PEX7: variants seen among roughly 807,000 people sequenced by gnomAD.
PEX7 encodes PTS2 receptor.
Under a neutral mutation model 47.5 loss-of-function variants are expected in PEX7, and 34 were observed. The ratio of observed to expected loss-of-function variants is 0.72; its 90% CI spans 0.54 to 0.95. The LOEUF is 0.95. PEX7 is among the 40% of genes least tolerant of loss of function. The pLI is 0.00. For missense variants in PEX7, 394 were observed against 400.3 expected, an observed-to-expected ratio of 0.98 and a Z score of 0.13; for synonymous variants, 141 against 148.8, an observed-to-expected ratio of 0.95 and a Z score of 0.38.
intron 7 of PEX7, among the ~76,000 whole-genome samples, chr6:136,871,213 A>G (rs908855424): frequency 4.6e-5 from 7 of 152,232 alleles, no homozygotes; most frequent in Non-Finnish European, 8.8e-5. Flanking sequence ...TGCTGGTCAA[A>G]TGTAGTTATA....
At chr6:136,892,827 T>A (rs1451370446) in intron 8 of PEX7, among the ~76,000 whole-genome samples, 1 of 152,226 alleles carries the variant, frequency 6.6e-6, no homozygotes, top group Non-Finnish European at 1.5e-5. Flanking sequence ...ATCACCAGGT[T>A]GTATTAATTC....
intron 1 of PEX7, among the ~76,000 whole-genome samples, chr6:136,824,508 T>C (rs1372755492): frequency 6.6e-6 from 1 of 152,148 alleles, no homozygotes; most frequent in East Asian, 1.9e-4. Context: ...TGGCCTGTAA[T>C]GCTACTTAAA....
intron 8 of PEX7, among the ~76,000 whole-genome samples, chr6:136,880,668 G>GT (rs569887197): frequency 5.6e-4 from 86 of 152,332 alleles, no homozygotes; most frequent in Non-Finnish European, 1.1e-3. Context: ...TAAGAATACA[G>GT]TAACAGTTTT....
chr6:136,837,869 G>C (rs534988515), intron 3 of PEX7, among the ~76,000 whole-genome samples: 1 of 151,836 alleles, frequency 6.6e-6, no homozygotes, highest in East Asian at 1.9e-4. Context: ...CAGTCCTTAC[G>C]TGGAGATGGA....
intron 8 of PEX7, among the ~76,000 whole-genome samples, chr6:136,887,722 T>C (rs912643979): frequency 3.9e-5 from 6 of 152,174 alleles, no homozygotes; most frequent in African/African-American, 1.4e-4. Context: ...GTTGGTAATT[T>C]TCAAAATAAA....
chr6:136,866,255 G>A (rs1249012980), intron 5 of PEX7, among the ~76,000 whole-genome samples: 1 of 151,862 alleles, frequency 6.6e-6, no homozygotes, highest in Admixed American at 6.6e-5. Context: ...CAGTAAAATT[G>A]TTACTCTATT....
At position 136,900,383 on chromosome 6, in the gene PEX7, C is replaced by T; in HGVS notation, c.903+2142C>T. 3.2e-6 allele frequency: 1 copy of T among 316,154 alleles called. No individual in the cohort carries two copies. Among genetic ancestry groups the T allele is most frequent in the Non-Finnish European group, 6.3e-6 (1 of 158,520 alleles). 19.6% of individuals were successfully genotyped at this position (316,154 alleles called of 1,614,324 possible). The stretch of plus-strand genomic sequence containing the variant: ...GAAAACTCAACCGTGTACATTTAAT[C>T]CAGTTTAGTGGCAGGTTCTTTAGCC... On this transcript the variant is annotated intron_variant, in intron 9 of 9. Transcript: ENST00000318471. This position sits in a 1 kb window ranked among gnomAD's most constrained non-coding sequence, Gnocchi z 4.2.
intron 9 of PEX7, among the ~76,000 whole-genome samples, chr6:136,906,077 C>G (rs917739074): frequency 2.6e-5 from 4 of 152,144 alleles, no homozygotes; most frequent in African/African-American, 9.7e-5. Context: ...TTCCATCATC[C>G]CATTGATTCT....
intron 5 of PEX7, among the ~76,000 whole-genome samples, chr6:136,859,752 G>A (rs1774924002): frequency 1.3e-5 from 2 of 152,174 alleles, no homozygotes; most frequent in Non-Finnish European, 2.9e-5. Flanking sequence ...GCCAGGCACA[G>A]TGGCTCACAT....
intron 9 of PEX7, among the ~76,000 whole-genome samples, chr6:136,902,541 C>G (rs3799477): frequency 6.6e-6 from 1 of 152,230 alleles, no homozygotes; most frequent in South Asian, 2.1e-4. Context: ...TCTATGCCCT[C>G]TCTTGTTAAC....
At chr6:136,825,190 G>T (rs769793590) in intron 1 of PEX7, 24 bp from the exon 2 acceptor site, 1 of 1,604,308 alleles carries the variant, frequency 6.2e-7, no homozygotes, top group Non-Finnish European at 8.5e-7. Context: ...TCAAAGGGAT[G>T]ACCTTGATTT....
chr6:136,905,887 T>C (rs1392260734), intron 9 of PEX7, among the ~76,000 whole-genome samples: 3 of 152,244 alleles, frequency 2.0e-5, no homozygotes, highest in African/African-American at 7.2e-5. Flanking sequence ...GAAGTAATCC[T>C]AGTTTTCCTG....
At chr6:136,885,088 G>A (rs1172511446) in intron 8 of PEX7, among the ~76,000 whole-genome samples, 1 of 152,132 alleles carries the variant, frequency 6.6e-6, no homozygotes, top group East Asian at 1.9e-4. Context: ...ATACCAAGTA[G>A]ATCATTTCAT....
At chr6:136,903,639 G>A (rs915778872) in intron 9 of PEX7, among the ~76,000 whole-genome samples, 1 of 151,582 alleles carries the variant, frequency 6.6e-6, no homozygotes, top group Non-Finnish European at 1.5e-5. Flanking sequence ...ATTTAAACTA[G>A]TTCTTTAGAT....
rs768849853 is a variant in PEX7, at chr6:136,846,057, A to G, written c.418-16A>G. On this transcript the variant is annotated splice_polypyrimidine_tract_variant and intron_variant, in intron 4 of 9. Coordinates refer to ENST00000318471, the MANE Select transcript of PEX7 (RefSeq NM_000288.4). Reference sequence around the variant, plus strand: ...AATTTATCCCTCAAGTAATTGATCTATTCATTTATTTGTAGTGGGATCCAA... The same window carrying G: ...AATTTATCCCTCAAGTAATTGATCTGTTCATTTATTTGTAGTGGGATCCAA... 2 of 1,464,304 alleles carry G rather than the reference A, an allele frequency of 1.4e-6. No individual in the cohort carries two copies. The highest frequency in any genetic ancestry group is 1.7e-5 in the Admixed American group (1 of 59,752). The allele number at this position is 1,464,304 out of a possible 1,614,324, so 90.7% of individuals were successfully genotyped here. A position where few individuals can be genotyped will look rare whatever the true frequency, so the allele number is the denominator to read the frequency against.
chr6:136,838,990 TG>T (rs1774444867), intron 3 of PEX7, among the ~76,000 whole-genome samples: 3 of 152,278 alleles, frequency 2.0e-5, no homozygotes, highest in African/African-American at 4.8e-5. Context: ...GAGACCAGCC[TG>T]GGTAACATGG....
At chr6:136,850,225 A>G (rs1219291493) in intron 5 of PEX7, among the ~76,000 whole-genome samples, 2 of 151,078 alleles carry the variant, frequency 1.3e-5, no homozygotes, top group East Asian at 3.9e-4. Context: ...ATCTTCCTTC[A>G]TCCCTTTATT....
At chr6:136,835,294 CT>C (rs879819248) in intron 3 of PEX7, among the ~76,000 whole-genome samples, 176 of 133,426 alleles carry the variant, frequency 1.3e-3, no homozygotes, top group Admixed American at 1.2e-3. Context: ...ATTTTTTTTT[CT>C]TTTTTTTTTT....
intron 9 of PEX7, among the ~76,000 whole-genome samples, chr6:136,912,859 C>T (rs1002137052): frequency 1.3e-5 from 2 of 152,100 alleles, no homozygotes; most frequent in Admixed American, 1.3e-4. Context: ...GACTTTCTTC[C>T]CTTCATGTTT....
Sources: allele counts gnomAD v4.1 joint callset (sites outside exome capture counted in the v4.1 genomes callset), GRCh38; gene constraint gnomAD v4.1.1; non-coding constraint Gnocchi (gnomAD v3.1); transcripts MANE v1.5; gene names NCBI Gene and HGNC (gene_info 2026-07-23, HGNC 2026-07-21).